SVOP: variants seen among roughly 807,000 people sequenced by gnomAD.
SVOP encodes the protein synaptic vesicle 2-related protein.
SVOP carries 17 observed loss-of-function variants against 69.1 expected under a neutral mutation model. The observed-to-expected ratio is 0.25, with a 90% confidence interval of 0.17 to 0.37. The LOEUF is 0.37. SVOP is among the 10% of genes least tolerant of loss of function. The pLI is 1.00. For synonymous variants in SVOP, 238 were observed against 238.6 expected (o/e 1.00, Z 0.02); for missense variants, 435 against 597.5 (o/e 0.73, Z 2.84).
Position 108,912,761 on chromosome 12 carries a change from G to A in SVOP, c.1441-20C>T, listed in dbSNP as rs2039692309. ...CATCACCTAGGGGAAGGAGACACGG[G>A]TCGGTGAAAGCATCCCTTCTGAAGC... On this transcript the variant is annotated intron_variant, in intron 15 of 15. Transcript: ENST00000610966. The A allele has an allele frequency of 1.2e-6, 2 of 1,608,376 alleles. No individual in the cohort carries two copies. The highest frequency in any genetic ancestry group is 1.3e-5 in the African/African-American group (1 of 74,788).
At chr12:108,939,278 T>C (rs1239822608) in intron 8 of SVOP, among the ~76,000 whole-genome samples, 1 of 152,164 alleles carries the variant, frequency 6.6e-6, no homozygotes, top group Non-Finnish European at 1.5e-5. Context: ...ATGCAGTTAT[T>C]ATTATTGTCA....
rs992408714 is a variant in SVOP, at chr12:108,990,255, T to A, written c.36-6494A>T. Among the ~76,000 whole-genome samples the A allele has an allele frequency of 3.9e-5, 6 of 152,228 alleles. 1 individual carries two copies. The South Asian group carries it at 1.2e-3, about 32-fold the overall frequency. On this transcript the variant is annotated intron_variant, in intron 1 of 15. Transcript: ENST00000610966. ...GAATCAAAAGGCACAGCTCCATCCA[T>A]GTCCCTACAAAGGACATGAACTCAT...
chr12:108,927,861 GCTGGGATT>G (rs1566049157), intron 11 of SVOP, among the ~76,000 whole-genome samples: 1 of 151,474 alleles, frequency 6.6e-6, no homozygotes, highest in African/African-American at 2.4e-5. Flanking sequence ...CTCCCAAAGT[GCTGGGATT>G]AAAGGCATGA....
chr12:108,973,985 C>T (rs1310005579), intron 4 of SVOP, among the ~76,000 whole-genome samples: 5 of 152,202 alleles, frequency 3.3e-5, no homozygotes, highest in Admixed American at 3.3e-4. Flanking sequence ...TCTAATCAAG[C>T]TGTCAGCAAG....
chr12:108,969,446 A>G (rs1335174188), intron 5 of SVOP, among the ~76,000 whole-genome samples: 1 of 145,728 alleles, frequency 6.9e-6, no homozygotes, highest in Non-Finnish European at 1.5e-5. Context: ...CAATGGCACG[A>G]TCTCGGCTCC....
intron 6 of SVOP, among the ~76,000 whole-genome samples, 197 bp from the exon 7 acceptor site, chr12:108,945,363 C>T (rs1337893800): frequency 6.6e-6 from 1 of 152,050 alleles, no homozygotes; most frequent in Non-Finnish European, 1.5e-5. Context: ...AAACAGACTC[C>T]AAGGGATGAG....
At position 108,941,854 on chromosome 12, in the gene SVOP, G is replaced by A. The variant is rs148083546; in HGVS notation, c.643-945C>T. ...TAATTTTTGTATTTTTAGTAGAGAC[G>A]GGGTTTCACCATGTTGGCCAGGGTG... On this transcript the variant is annotated intron_variant, in intron 7 of 15. Transcript: ENST00000610966. Among the ~76,000 whole-genome samples the A allele has an allele frequency of 4.0e-3, 607 of 151,754 alleles. 4 individuals are homozygous for A. The highest frequency in any genetic ancestry group is 0.014 in the African/African-American group (564 of 41,412).
At chr12:108,997,644 T>TCCCTGAC (rs1395306901) in intron 1 of SVOP, among the ~76,000 whole-genome samples, 2 of 151,246 alleles carry the variant, frequency 1.3e-5, no homozygotes, top group Admixed American at 6.6e-5. Flanking sequence ...CTCAAGTGGG[T>TCCCTGAC]CCCTGACCCC....
chr12:108,908,418 A>C lies in SVOP; in HGVS notation c.*4117T>G, dbSNP rs2039660721. ...CACATCATTTGAACATTTTTGATCC[A>C]ATATACTAATATTTGGAGATTTCAC... On this transcript the variant is annotated 3_prime_UTR_variant, in exon 16 of 16. Coordinates refer to ENST00000610966, the MANE Select transcript of SVOP (RefSeq NM_018711.5). 1 of 152,234 alleles carries C rather than the reference A, an allele frequency of 6.6e-6. No homozygotes were observed. Among genetic ancestry groups the C allele is most frequent in the African/African-American group, 2.4e-5 (1 of 41,446 alleles). 9.4% of individuals were successfully genotyped at this position (152,234 alleles called of 1,614,324 possible).
Position 108,910,832 on chromosome 12 carries a change from G to A in SVOP, c.*1703C>T, listed in dbSNP as rs2039677494. ...ATGAACAAAGGTAGTCAGACCGTTA[G>A]GCTGGACTGTCACTAGGACATGATG... On this transcript the variant is annotated 3_prime_UTR_variant, in exon 16 of 16. Transcript: ENST00000610966. The A allele has an allele frequency of 6.6e-6, 1 of 152,256 alleles. No homozygotes were observed. Among genetic ancestry groups the A allele is most frequent in the African/African-American group, 2.4e-5 (1 of 41,466 alleles). 9.4% of individuals were successfully genotyped at this position (152,256 alleles called of 1,614,324 possible).
intron 4 of SVOP, 120 bp downstream of exon 4, chr12:108,977,278 T>C: frequency 2.4e-6 from 3 of 1,231,816 alleles, no homozygotes; most frequent in South Asian, 1.5e-5. Flanking sequence ...GGACAGTGTT[T>C]CCATCAGGGC....
chr12:108,927,273 C>CT (rs2137395251), intron 11 of SVOP, among the ~76,000 whole-genome samples: 1 of 152,266 alleles, frequency 6.6e-6, no homozygotes, highest in Admixed American at 6.5e-5. Context: ...CCTGTGGGAG[C>CT]TGTGAAAGGC....
At chr12:108,922,845 G>T (rs1370165510) in intron 11 of SVOP, 48 bp from the exon 12 acceptor site, 7 of 1,327,326 alleles carry the variant, frequency 5.3e-6, no homozygotes, top group Non-Finnish European at 1.1e-6. Flanking sequence ...ACAGAGTCTT[G>T]AATCACACCT....
intron 2 of SVOP, among the ~76,000 whole-genome samples, chr12:108,982,672 TATC>T (rs1461922447): frequency 1.1e-5 from 1 of 92,430 alleles, no homozygotes; most frequent in Non-Finnish European, 2.4e-5. Flanking sequence ...TCACCATCAT[TATC>T]ATCACCATCA....
Position 108,974,348 on chromosome 12 carries a change from T to G in SVOP, c.382-1872A>C, listed in dbSNP as rs150505529. ...ATTTATCAAAATTATATGTTGTTGT[T>G]GTGGTCTATTGTGTACTACTAAAAA... On this transcript the variant is annotated intron_variant, in intron 4 of 15. Transcript: ENST00000610966. 7.4e-4 allele frequency among the ~76,000 whole-genome samples: 113 copies of G among 152,318 alleles called. 1 individual carries two copies. In the East Asian group the frequency reaches 0.022, roughly 29 times the overall value.
chr12:108,930,514 T>A (rs1281737050), intron 11 of SVOP, among the ~76,000 whole-genome samples: 2 of 150,152 alleles, frequency 1.3e-5, no homozygotes, highest in African/African-American at 4.9e-5. Flanking sequence ...CTCGGCTCAC[T>A]GCAGCCTCAG....
intron 1 of SVOP, among the ~76,000 whole-genome samples, chr12:108,987,059 TAA>T (rs1236180454): frequency 2.0e-5 from 3 of 152,224 alleles, no homozygotes; most frequent in Non-Finnish European, 4.4e-5. Context: ...TCAGTGACAT[TAA>T]GTTTCACCTG....
rs374312463 is a variant in SVOP, at chr12:108,945,089, G to A, written c.642+14C>T. 74 of 1,536,638 alleles carry A rather than the reference G, an allele frequency of 4.8e-5. 1 individual carries two copies. The Middle Eastern group carries it at 8.4e-4, about 17-fold the overall frequency. Reference sequence around the variant, plus strand: ...TCCACATGCTCTAGAGACCCAGGCCGCTCTCCTCCTTACCTCAATCAGCAA... The same window carrying A: ...TCCACATGCTCTAGAGACCCAGGCCACTCTCCTCCTTACCTCAATCAGCAA... On this transcript the variant is annotated intron_variant, in intron 7 of 15. Transcript: ENST00000610966.
At chr12:109,006,896 A>G (rs1257131957) in intron 1 of SVOP, among the ~76,000 whole-genome samples, 1 of 152,202 alleles carries the variant, frequency 6.6e-6, no homozygotes, top group Non-Finnish European at 1.5e-5. Flanking sequence ...GCATCAGAAT[A>G]TAAACAATCA....
Sources: gnomAD v4.1 joint callset for allele counts (sites outside exome capture counted in the v4.1 genomes callset) on GRCh38, gnomAD v4.1.1 for gene constraint, MANE v1.5 for transcripts, NCBI Gene and HGNC (gene_info 2026-07-23, HGNC 2026-07-21) for gene names.